The following FANCA variants were observed in gnomAD, a reference collection of about 807,000 sequenced individuals.
FANCA encodes the protein FA complementation group A.
In FANCA, 236 loss-of-function variants were observed where a neutral mutation model predicts 194.3. The ratio of observed to expected loss-of-function variants is 1.21; its 90% confidence interval spans 1.09 to 1.35. FANCA has a LOEUF of 1.35. Ranked by LOEUF, FANCA falls within the 40% of genes most tolerant of loss-of-function variation. The pLI, the probability that FANCA is intolerant of heterozygous loss-of-function variation, is 0.00. For synonymous variants in FANCA, 1,014 were observed against 715.8 expected (o/e 1.42, Z -6.65); for missense variants, 2,628 against 1,813.9 (o/e 1.45, Z -8.15).
At chr16:89,763,573 G>C (rs1230064362) in intron 28 of FANCA, among the ~76,000 whole-genome samples, 1 of 152,132 alleles carries the variant, frequency 6.6e-6, no homozygotes, top group African/African-American at 2.4e-5. Context: ...GCCAGCTCCA[G>C]TAACCAGGCA....
chr16:89,803,235 TCTTCA>T lies in FANCA; in HGVS notation c.792+19_792+23del, dbSNP rs2040519423. 6.2e-7 allele frequency: 1 copy of T among 1,609,748 alleles called. No individual in the cohort carries two copies. The highest frequency in any genetic ancestry group is 8.5e-7 in the Non-Finnish European group (1 of 1,175,966). ...ATAAGGACGGCTCCTTCCGCTAAACTCTTCACTTGACTTTTCCTCCTACCTGCGGC... is the reference window on the plus strand; with the variant it reads ...ATAAGGACGGCTCCTTCCGCTAAACTCTTGACTTTTCCTCCTACCTGCGGC... On this transcript the variant is annotated intron_variant, in intron 8 of 42. Coordinates refer to ENST00000389301, the MANE Select transcript of FANCA (RefSeq NM_000135.4).
chr16:89,739,935 CA>C, intron 39 of FANCA, 58 bp downstream of exon 39: 1 of 1,605,700 alleles, frequency 6.2e-7, no homozygotes, highest in Non-Finnish European at 8.5e-7. Context: ...TAACCATTTG[CA>C]AGATGCCTCT....
Position 89,755,402 on chromosome 16 carries a change from G to A in FANCA, c.2981+3175C>T, listed in dbSNP as rs534532010. Among the ~76,000 whole-genome samples the A allele has an allele frequency of 1.7e-3, 257 of 151,354 alleles. 1 individual carries two copies. Among genetic ancestry groups the A allele is most frequent in the African/African-American group, 5.9e-3 (245 of 41,222 alleles). On this transcript the variant is annotated intron_variant, in intron 30 of 42. Coordinates refer to ENST00000389301, the MANE Select transcript of FANCA (RefSeq NM_000135.4). Reference sequence around the variant, plus strand: ...CTAGTTTTTGTATTTTTTTAGTTTCGCCATGTTGGCCAGGCTGGTCTCGAA... The same window carrying A: ...CTAGTTTTTGTATTTTTTTAGTTTCACCATGTTGGCCAGGCTGGTCTCGAA...
rs34159559 is a variant in FANCA, at chr16:89,791,393, G to A, written c.1359+10C>T. ...TCAGGTATTAGGTAGCCGATTGGCAGGTCACTTACCTTGAACCAGTCTGCA... is the reference window on the plus strand; with the variant it reads ...TCAGGTATTAGGTAGCCGATTGGCAAGTCACTTACCTTGAACCAGTCTGCA... On this transcript the variant is annotated intron_variant, in intron 14 of 42. Coordinates refer to ENST00000389301, the MANE Select transcript of FANCA (RefSeq NM_000135.4). 9.2e-4 allele frequency: 1,478 copies of A among 1,613,528 alleles called. 11 individuals are homozygous for A. In the African/African-American group the frequency reaches 0.018, roughly 20 times the overall value.
chr16:89,803,060 A>T (rs1302674464), intron 8 of FANCA, among the ~76,000 whole-genome samples, 199 bp downstream of exon 8: 1 of 152,210 alleles, frequency 6.6e-6, no homozygotes, highest in East Asian at 1.9e-4. Context: ...AACACACAGA[A>T]ATGATACATA....
At chr16:89,783,482 C>T (rs1042563502) in intron 15 of FANCA, among the ~76,000 whole-genome samples, 42 of 150,566 alleles carry the variant, frequency 2.8e-4, no homozygotes, top group Admixed American at 2.0e-3. Context: ...ACCCAGGAGG[C>T]GGACCTTGCA....
chr16:89,805,177 G>A, intron 7 of FANCA, 103 bp downstream of exon 7: 1 of 886,524 alleles, frequency 1.1e-6, no homozygotes, highest in Non-Finnish European at 1.8e-6. Flanking sequence ...CACGGCCACG[G>A]AGAGACAGGC....
chr16:89,810,829 A>G (rs1266130730), intron 4 of FANCA, 27 bp from the exon 5 acceptor site: 3 of 1,612,992 alleles, frequency 1.9e-6, no homozygotes, highest in Admixed American at 1.7e-5. Flanking sequence ...CATTTTTTAA[A>G]AAACAAATTA....
chr16:89,750,016 G>A, intron 31 of FANCA, 114 bp from the exon 32 acceptor site: 2 of 1,029,140 alleles, frequency 1.9e-6, no homozygotes, highest in Non-Finnish European at 1.5e-6. Flanking sequence ...AGGGCAAGAA[G>A]GAACAAGTGG....
Position 89,744,945 on chromosome 16 carries a change from C to G in FANCA, c.3626+14G>C. On this transcript the variant is annotated intron_variant, in intron 36 of 42. Coordinates refer to ENST00000389301, the MANE Select transcript of FANCA (RefSeq NM_000135.4). ...ATCTGGGCGGGCACACCCCATCTCA[C>G]CACCCACACGTACTCGCTGGCAAAC... The G allele has an allele frequency of 6.2e-7, 1 of 1,610,232 alleles. No individual in the cohort carries two copies. The highest frequency in any genetic ancestry group is 1.1e-5 in the South Asian group (1 of 90,902).
chr16:89,803,980 C>T (rs763529974), intron 7 of FANCA, among the ~76,000 whole-genome samples: 2 of 152,008 alleles, frequency 1.3e-5, no homozygotes, highest in Admixed American at 6.6e-5. Flanking sequence ...GTCTTGCCTG[C>T]CAATCTCCAA....
At chr16:89,769,187 C>T (rs903113195) in intron 26 of FANCA, among the ~76,000 whole-genome samples, 2 of 152,212 alleles carry the variant, frequency 1.3e-5, no homozygotes, top group African/African-American at 2.4e-5. Context: ...GGCTCTGTCC[C>T]GACCTGGGCT....
At chr16:89,755,886 G>C (rs997643803) in intron 30 of FANCA, among the ~76,000 whole-genome samples, 2 of 139,394 alleles carry the variant, frequency 1.4e-5, no homozygotes, top group African/African-American at 2.7e-5. Context: ...GACCGGAGCC[G>C]CCCGCACACC....
At chr16:89,753,162 TCTGCCTCAG>T (rs1174401109) in intron 30 of FANCA, among the ~76,000 whole-genome samples, 1 of 152,220 alleles carries the variant, frequency 6.6e-6, no homozygotes, top group Admixed American at 6.5e-5. Context: ...CCTCTCCCTC[TCTGCCTCAG>T]CTGCCAGGCA....
intron 15 of FANCA, among the ~76,000 whole-genome samples, chr16:89,784,181 A>G (rs1463484702): frequency 6.6e-6 from 1 of 152,184 alleles, no homozygotes; most frequent in Non-Finnish European, 1.5e-5. Context: ...TGGGCAACAC[A>G]GCAAGACCCC....
chr16:89,789,530 T>C (rs746768041), intron 14 of FANCA, among the ~76,000 whole-genome samples: 3 of 137,032 alleles, frequency 2.2e-5, no homozygotes, highest in Non-Finnish European at 3.0e-5. Flanking sequence ...AGCCTCAACC[T>C]CCTCGGCTTA....
At position 89,771,806 on chromosome 16, in the gene FANCA, C is replaced by T. The variant is rs752701423; in HGVS notation, c.2023G>A (p.Ala675Thr). 2 of 1,613,862 alleles carry T rather than the reference C, an allele frequency of 1.2e-6. No homozygotes were observed. Residue 675 changes from alanine to threonine, a missense_variant, in exon 23 of 43, where the codon GCA (alanine) becomes ACA (threonine). Ala to Thr is a moderately conservative substitution (Grantham distance 58). Coordinates refer to ENST00000389301, the MANE Select transcript of FANCA (RefSeq NM_000135.4). Reference sequence around the variant, plus strand: ...CTTTCAGAAATCACTGCCACCTGTGCCGATATAACTGCGAAGGAAGAAACT... The same window carrying T: ...CTTTCAGAAATCACTGCCACCTGTGTCGATATAACTGCGAAGGAAGAAACT... ...TDPSQRDVISAQVAVISERLR... is the reference protein window; with the variant it reads ...TDPSQRDVISTQVAVISERLR...
intron 29 of FANCA, among the ~76,000 whole-genome samples, chr16:89,760,405 G>T (rs890380996): frequency 6.6e-6 from 1 of 152,190 alleles, no homozygotes; most frequent in Non-Finnish European, 1.5e-5. Context: ...AGGTGCAGGC[G>T]ACAGTGCTGC....
intron 5 of FANCA, among the ~76,000 whole-genome samples, chr16:89,808,629 T>G (rs953366635): frequency 6.6e-6 from 1 of 152,166 alleles, no homozygotes; most frequent in African/African-American, 2.4e-5. Context: ...TCCTACGCAC[T>G]GTAGCCTACT....
Sources: gnomAD v4.1 joint callset for allele counts (sites outside exome capture counted in the v4.1 genomes callset) on GRCh38, gnomAD v4.1.1 for gene constraint, MANE v1.5 for transcripts, NCBI Gene and HGNC (gene_info 2026-07-23, HGNC 2026-07-21) for gene names.